PGM5: variants seen among roughly 807,000 people sequenced by gnomAD.
The protein encoded by PGM5 is phosphoglucomutase-like protein 5.
In PGM5, 23 loss-of-function variants were observed where a neutral mutation model predicts 59.2. That is an observed-to-expected ratio of 0.39 (90% CI 0.28 to 0.55). The LOEUF is 0.55. Among genes scored for constraint, PGM5 ranks in the 20% least tolerant of loss-of-function variants. PGM5 has a pLI of 0.66. For missense variants in PGM5, 574 were observed against 748.3 expected (o/e 0.77, Z 2.72); for synonymous variants, 214 against 286.0 (o/e 0.75, Z 2.54).
intron 6 of PGM5, among the ~76,000 whole-genome samples, chr9:68,410,720 G>T (rs1490591449): frequency 1.3e-5 from 2 of 152,178 alleles, no homozygotes; most frequent in Non-Finnish European, 2.9e-5. Flanking sequence ...GCCAAACCAG[G>T]TCTTACCTAT....
intron 6 of PGM5, among the ~76,000 whole-genome samples, chr9:68,407,251 C>T (rs1822839817): frequency 6.6e-6 from 1 of 152,046 alleles, no homozygotes; most frequent in Non-Finnish European, 1.5e-5. Context: ...CCTCAGCCTC[C>T]CAAGTAGCTG....
At chr9:68,469,794 G>C (rs926103489) in intron 7 of PGM5, among the ~76,000 whole-genome samples, 1 of 152,212 alleles carries the variant, frequency 6.6e-6, no homozygotes, top group African/African-American at 2.4e-5. Context: ...GAGAAGGGAA[G>C]GAAGGTTGGA....
chr9:68,459,838 T>C (rs1554685235), intron 6 of PGM5, among the ~76,000 whole-genome samples: 3 of 152,222 alleles, frequency 2.0e-5, no homozygotes, highest in Admixed American at 2.0e-4. Flanking sequence ...GTTCAAAACT[T>C]TTGCCTATTT....
intron 7 of PGM5, among the ~76,000 whole-genome samples, chr9:68,470,280 C>T (rs1335046500): frequency 2.6e-5 from 4 of 152,164 alleles, no homozygotes; most frequent in Non-Finnish European, 5.9e-5. Context: ...CTTTTGTATG[C>T]ACCAAATTCT....
intron 2 of PGM5, among the ~76,000 whole-genome samples, chr9:68,380,548 A>G (rs560739771): frequency 1.0e-3 from 154 of 152,080 alleles, no homozygotes; most frequent in Non-Finnish European, 1.6e-3. Flanking sequence ...CTAAAGAAAG[A>G]ACAAACTAAA....
chr9:68,527,310 G>A (rs1163473921), intron 10 of PGM5, among the ~76,000 whole-genome samples: 1 of 152,076 alleles, frequency 6.6e-6, no homozygotes, highest in Admixed American at 6.5e-5. Flanking sequence ...TAAAATAATA[G>A]GATAGTATAT....
chr9:68,418,130 A>G (rs1242654165), intron 6 of PGM5, among the ~76,000 whole-genome samples: 1 of 152,084 alleles, frequency 6.6e-6, no homozygotes, highest in African/African-American at 2.4e-5. Context: ...TCACATCCCC[A>G]TATGTCTTCC....
chr9:68,497,621 T>A (rs1164068502), intron 9 of PGM5: 1 of 152,044 alleles, frequency 6.6e-6, no homozygotes, highest in African/African-American at 2.4e-5. Context: ...GGTATATATA[T>A]TTTTACTAAT....
chr9:68,482,376 T>C (rs1309395967), intron 8 of PGM5, among the ~76,000 whole-genome samples: 1 of 152,082 alleles, frequency 6.6e-6, no homozygotes, highest in Non-Finnish European at 1.5e-5. Context: ...TGAAAAAGAA[T>C]GTTCTGAGGG....
At chr9:68,367,517 T>C (rs1834703302) in intron 1 of PGM5, among the ~76,000 whole-genome samples, 2 of 152,198 alleles carry the variant, frequency 1.3e-5, no homozygotes, top group South Asian at 4.1e-4. Flanking sequence ...TTTGGCAGGA[T>C]GTTTGTTCAG....
intron 1 of PGM5, among the ~76,000 whole-genome samples, chr9:68,359,709 G>A (rs1554676121): frequency 6.6e-6 from 1 of 152,180 alleles, no homozygotes; most frequent in African/African-American, 2.4e-5. Context: ...TCATAAGCAG[G>A]CTAGAAAAAT....
At chr9:68,481,642 T>C (rs528243701) in intron 8 of PGM5, among the ~76,000 whole-genome samples, 3 of 152,328 alleles carry the variant, frequency 2.0e-5, no homozygotes, top group South Asian at 4.1e-4. Flanking sequence ...ATAATTGGTG[T>C]TATGGTAACT....
In PGM5 at chr9:68,483,914, G is replaced by T. The variant is rs1443231469; in HGVS notation, c.1345G>T (p.Asp449Tyr). Residue 449 changes from aspartate (D) to tyrosine (Y), a missense_variant, in exon 9 of 11, where the codon GAC (aspartate) becomes TAC (tyrosine). Asp to Tyr is a radical substitution (Grantham distance 160). Coordinates refer to ENST00000396396, the MANE Select transcript of PGM5 (RefSeq NM_021965.4). ...CAAGACGACATATTATATCATGAGG[G>T]ACCTGGAGGCCCTGGTCACAGACAA... ...DPKTTYYIMR[D>Y]LEALVTDKSF... 4 of 1,614,050 alleles carry T rather than the reference G, an allele frequency of 2.5e-6. No homozygotes were observed. Among genetic ancestry groups the T allele is most frequent in the Non-Finnish European group, 3.4e-6 (4 of 1,180,032 alleles).
intron 10 of PGM5, among the ~76,000 whole-genome samples, chr9:68,522,127 C>T (rs1381361299): frequency 6.6e-6 from 1 of 152,060 alleles, no homozygotes; most frequent in Non-Finnish European, 1.5e-5. Flanking sequence ...TGGTGGTGTG[C>T]ACCTGTAATC....
intron 9 of PGM5, among the ~76,000 whole-genome samples, chr9:68,484,603 A>C (rs1440149372): frequency 2.7e-4 from 41 of 151,774 alleles, no homozygotes; most frequent in African/African-American, 9.4e-4. Flanking sequence ...AAAAACAAAA[A>C]AAAAAACAAA....
intron 10 of PGM5, among the ~76,000 whole-genome samples, chr9:68,529,211 G>GTGTGTGGT (rs1825040778): frequency 6.9e-6 from 1 of 145,308 alleles, no homozygotes; most frequent in East Asian, 2.0e-4. Context: ...GTGTGTGTGT[G>GTGTGTGGT]GTGAGGATGA....
intron 6 of PGM5, among the ~76,000 whole-genome samples, chr9:68,402,783 C>T (rs1361300301): frequency 6.6e-6 from 1 of 152,144 alleles, no homozygotes; most frequent in African/African-American, 2.4e-5. Context: ...CCTGAAGGTA[C>T]TTCTGGAGTG....
chr9:68,454,161 T>C (rs574786872), intron 6 of PGM5, among the ~76,000 whole-genome samples: 1 of 152,264 alleles, frequency 6.6e-6, no homozygotes, highest in East Asian at 1.9e-4. Flanking sequence ...GATTTCTTTC[T>C]CTCCCTATAG....
intron 7 of PGM5, among the ~76,000 whole-genome samples, chr9:68,478,411 G>T (rs1364001170): frequency 3.9e-5 from 6 of 152,134 alleles, no homozygotes; most frequent in African/African-American, 1.4e-4. Flanking sequence ...TCTTCTCAGG[G>T]GTTAGCTCAG....
Sources: allele counts gnomAD v4.1 joint callset (sites outside exome capture counted in the v4.1 genomes callset), GRCh38; gene constraint gnomAD v4.1.1; transcripts MANE v1.5; gene names NCBI Gene and HGNC (gene_info 2026-07-23, HGNC 2026-07-21).